The following RAB18 variants were observed in gnomAD, a reference collection of about 807,000 sequenced individuals.
RAB18 encodes the protein RAB18, member RAS oncogene family, also known as ras-related protein Rab-18.
RAB18 carries 10 observed loss-of-function variants against 28.5 expected under a neutral mutation model. The ratio of observed to expected loss-of-function variants is 0.35; its 90% CI spans 0.22 to 0.60. The LOEUF is 0.60. Ranked by LOEUF, RAB18 falls within the 20% of genes least tolerant of loss-of-function variation. The pLI is 0.78. For missense variants in RAB18, 188 were observed against 244.2 expected (o/e 0.77, Z 1.53); for synonymous variants, 93 against 86.9 (o/e 1.07, Z -0.39).
At chr10:27,526,737 A>G (rs1278223652) in intron 2 of RAB18, 91 bp from the exon 3 acceptor site, 1 of 1,532,802 alleles carries the variant, frequency 6.5e-7, no homozygotes, top group Admixed American at 1.7e-5. Context: ...GCATTTGATA[A>G]TAGTGACTTT....
chr10:27,514,635 A>T (rs1158113525), intron 2 of RAB18, among the ~76,000 whole-genome samples: 1 of 152,198 alleles, frequency 6.6e-6, no homozygotes, highest in African/African-American at 2.4e-5. Context: ...TCAGAAAAGG[A>T]AATCCAACAT....
chr10:27,537,331 C>G (rs970660357), intron 6 of RAB18, among the ~76,000 whole-genome samples: 2 of 152,136 alleles, frequency 1.3e-5, no homozygotes, highest in South Asian at 2.1e-4. Flanking sequence ...TGAGAAAGAT[C>G]ATCACTAAGG....
chr10:27,534,528 G>T lies in RAB18; in HGVS notation c.445+534G>T, dbSNP rs186212881. Among the ~76,000 whole-genome samples, 583 of 152,322 alleles carry T rather than the reference G, an allele frequency of 3.8e-3. 3 individuals are homozygous for T. Among genetic ancestry groups the T allele is most frequent in the Non-Finnish European group, 6.6e-3 (448 of 68,028 alleles). ...ATGTGTTTACATGTTGTCTGTAGCTGCTTTTGTGCCATATGGCAGAGTTTA... is the reference window on the plus strand; with the variant it reads ...ATGTGTTTACATGTTGTCTGTAGCTTCTTTTGTGCCATATGGCAGAGTTTA... On this transcript the variant is annotated intron_variant, in intron 6 of 6. Transcript: ENST00000356940.
chr10:27,504,307 C>T lies in RAB18; in HGVS notation c.-63C>T. ...CGGCGCGCATGCGCAGCAGCTCACT[C>T]TGCTGAAGGGCTGAGAGGCGCACCC... On this transcript the variant is annotated 5_prime_UTR_variant, in exon 1 of 7. Transcript: ENST00000356940. 1 of 1,508,814 alleles carries T rather than the reference C, an allele frequency of 6.6e-7. No individual in the cohort carries two copies. The highest frequency in any genetic ancestry group is 9.0e-7 in the Non-Finnish European group (1 of 1,112,966). The allele number at this position is 1,508,814 out of a possible 1,614,324, so 93.5% of individuals were successfully genotyped here.
chr10:27,518,410 G>A (rs879506865), intron 2 of RAB18, among the ~76,000 whole-genome samples: 29 of 151,978 alleles, frequency 1.9e-4, no homozygotes, highest in Admixed American at 3.9e-4. Flanking sequence ...ATATATCTAC[G>A]AGCAGCCTTA....
At chr10:27,521,386 A>G (rs1834549627) in intron 2 of RAB18, among the ~76,000 whole-genome samples, 1 of 152,208 alleles carries the variant, frequency 6.6e-6, no homozygotes, top group South Asian at 2.1e-4. Context: ...ATCCTGTGAA[A>G]AAGACACTTT....
At position 27,532,487 on chromosome 10, in the gene RAB18, A is replaced by G. The variant is rs370887374; in HGVS notation, c.187-20A>G. On this transcript the variant is annotated intron_variant, in intron 3 of 6. Coordinates refer to ENST00000356940, the MANE Select transcript of RAB18 (RefSeq NM_021252.5). ...GTCTATTTATACTTTGTTTAATTTA[A>G]TAATAATGATCATTTTTAGGATACT... 4 of 1,554,784 alleles carry G rather than the reference A, an allele frequency of 2.6e-6. No individual in the cohort carries two copies. Among genetic ancestry groups the G allele is most frequent in the South Asian group, 1.1e-5 (1 of 89,530 alleles).
At chr10:27,509,820 A>G in intron 1 of RAB18, 55 bp from the exon 2 acceptor site, 12 of 1,359,330 alleles carry the variant, frequency 8.8e-6, no homozygotes, top group Non-Finnish European at 1.3e-5. Context: ...GAACACATTT[A>G]TCATATGATT....
chr10:27,538,739 G>C lies in RAB18; in HGVS notation c.*688G>C, dbSNP rs1449590993. 7 of 454,106 alleles carry C rather than the reference G, an allele frequency of 1.5e-5. No individual in the cohort carries two copies. The East Asian group carries it at 4.9e-4, about 32-fold the overall frequency. 28.1% of individuals were successfully genotyped at this position (454,106 alleles called of 1,614,324 possible). On this transcript the variant is annotated 3_prime_UTR_variant, in exon 7 of 7. Transcript: ENST00000356940. ...ATATGTACATTGGATTCATGACTGT[G>C]CAGCATTTTTAGTTATGTGGTGTTT...
Position 27,540,849 on chromosome 10 carries a change from A to G in RAB18, c.*2798A>G, listed in dbSNP as rs754942899. The G allele has an allele frequency of 3.5e-5, 16 of 454,102 alleles. No homozygotes were observed. The highest frequency in any genetic ancestry group is 2.3e-4 in the South Asian group (15 of 64,474). 28.1% of individuals were successfully genotyped at this position (454,102 alleles called of 1,614,324 possible). On this transcript the variant is annotated 3_prime_UTR_variant, in exon 7 of 7. Coordinates refer to ENST00000356940, the MANE Select transcript of RAB18 (RefSeq NM_021252.5). ...TTGATTTTGATTCATCGTAGCTTGCATGGTCAAGAGACATGATTCTCTACT... is the reference window on the plus strand; with the variant it reads ...TTGATTTTGATTCATCGTAGCTTGCGTGGTCAAGAGACATGATTCTCTACT...
Position 27,512,592 on chromosome 10 carries a change from C to T in RAB18, c.124+2662C>T, listed in dbSNP as rs76864428. Among the ~76,000 whole-genome samples, 1,062 of 152,234 alleles carry T rather than the reference C, an allele frequency of 7.0e-3. 5 individuals carry two copies. The highest frequency in any genetic ancestry group is 0.024 in the African/African-American group (987 of 41,514). On this transcript the variant is annotated intron_variant, in intron 2 of 6. Transcript: ENST00000356940. ...AAGTGTTGAGATTATAGGTGTGAGC[C>T]ACTGTGCCCATACTGGTGTATTATT...
chr10:27,521,400 A>ATG, intron 2 of RAB18, among the ~76,000 whole-genome samples: 1 of 152,300 alleles, frequency 6.6e-6, no homozygotes, highest in South Asian at 2.1e-4. Context: ...ACACTTTCAC[A>ATG]TGCATGTTTA....
At chr10:27,531,699 G>A (rs1342832998) in intron 3 of RAB18, 15 of 692,246 alleles carry the variant, frequency 2.2e-5, no homozygotes, top group South Asian at 2.0e-4. Flanking sequence ...ATAATCTTAG[G>A]TACCTTGAAT....
At chr10:27,523,524 A>G (rs979651900) in intron 2 of RAB18, among the ~76,000 whole-genome samples, 6 of 151,254 alleles carry the variant, frequency 4.0e-5, no homozygotes, top group Non-Finnish European at 8.8e-5. Context: ...CTGTGTCATC[A>G]CATTCACTGA....
At position 27,540,101 on chromosome 10, in the gene RAB18, T is replaced by C. The variant is rs1017142125; in HGVS notation, c.*2050T>C. 11 of 453,882 alleles carry C rather than the reference T, an allele frequency of 2.4e-5. No homozygotes were observed. Among genetic ancestry groups the C allele is most frequent in the Non-Finnish European group, 4.9e-5 (11 of 226,734 alleles). The allele number at this position is 453,882 out of a possible 1,614,324, so 28.1% of individuals were successfully genotyped here. On this transcript the variant is annotated 3_prime_UTR_variant, in exon 7 of 7. Transcript: ENST00000356940. The stretch of plus-strand genomic sequence containing the variant: ...AATTAGAACAATTAGAATATAGTAT[T>C]TTGAGTTCTAGTAGTACTGAGATTG...
rs1307239086 is a variant in RAB18, at chr10:27,516,767, AAT to A, written c.124+6840_124+6841del. Among the ~76,000 whole-genome samples the A allele has an allele frequency of 4.6e-5, 7 of 152,310 alleles. No homozygotes were observed. In the South Asian group the frequency reaches 1.0e-3, roughly 23 times the overall value. On this transcript the variant is annotated intron_variant, in intron 2 of 6. Transcript: ENST00000356940. ...ATAATTAAGAGGGAAGCAGTAAAAAAATATGTTAATTAATTAAATGTGCCTGG... is the reference window on the plus strand; with the variant it reads ...ATAATTAAGAGGGAAGCAGTAAAAAAATGTTAATTAATTAAATGTGCCTGG...
In RAB18 at chr10:27,541,271, G is replaced by A. The variant is rs766135365; in HGVS notation, c.*3220G>A. The A allele has an allele frequency of 9.0e-5, 41 of 453,602 alleles. No individual in the cohort carries two copies. Among genetic ancestry groups the A allele is most frequent in the African/African-American group, 8.0e-4 (40 of 49,838 alleles). 28.1% of individuals were successfully genotyped at this position (453,602 alleles called of 1,614,324 possible). A position where few individuals can be genotyped will look rare whatever the true frequency, so the allele number is the denominator to read the frequency against. On this transcript the variant is annotated 3_prime_UTR_variant, in exon 7 of 7. Coordinates refer to ENST00000356940, the MANE Select transcript of RAB18 (RefSeq NM_021252.5). Reference sequence around the variant, plus strand: ...CTGGGTTTTGCCTAAACTGTTGAAAGACGAGAATAAATAGACATAGACAGG... The same window carrying A: ...CTGGGTTTTGCCTAAACTGTTGAAAAACGAGAATAAATAGACATAGACAGG...
rs1166083746 is a variant in RAB18, at chr10:27,540,356, C to G, written c.*2305C>G. 1 of 454,042 alleles carries G rather than the reference C, an allele frequency of 2.2e-6. No homozygotes were observed. Among genetic ancestry groups the G allele is most frequent in the Admixed American group, 2.3e-5 (1 of 42,572 alleles). 28.1% of individuals were successfully genotyped at this position (454,042 alleles called of 1,614,324 possible). A position where few individuals can be genotyped will look rare whatever the true frequency, so the allele number is the denominator to read the frequency against. On this transcript the variant is annotated 3_prime_UTR_variant, in exon 7 of 7. Coordinates refer to ENST00000356940, the MANE Select transcript of RAB18 (RefSeq NM_021252.5). ...AGCTACTCAGTCACTGAGCTGGATT[C>G]CAGTCATGGCATTTTTACTTCTGAG...
rs142174174 is a variant in RAB18 at position 27,541,572 on chromosome 10, C to T, written c.*3521C>T. 7.7e-4 allele frequency: 351 copies of T among 453,456 alleles called. 2 individuals are homozygous for T. The highest frequency in any genetic ancestry group is 6.4e-3 in the African/African-American group (321 of 49,900). The allele number at this position is 453,456 out of a possible 1,614,324, so 28.1% of individuals were successfully genotyped here. On this transcript the variant is annotated 3_prime_UTR_variant, in exon 7 of 7. Transcript: ENST00000356940. ...CACCTACACACATATTTTGAATAGT[C>T]GTGTGTTCATGCCTGTTCTCAGTCT... is the stretch of plus-strand genomic sequence containing the variant.
Sources: gnomAD v4.1 joint callset for allele counts (sites outside exome capture counted in the v4.1 genomes callset) on GRCh38, gnomAD v4.1.1 for gene constraint, MANE v1.5 for transcripts, NCBI Gene and HGNC (gene_info 2026-07-23, HGNC 2026-07-21) for gene names.